XNDC1N: variants seen among roughly 807,000 people sequenced by gnomAD.
The protein encoded by XNDC1N is XRCC1 N-terminal domain containing 1, N-terminal like, also known as protein XNDC1N.
At chr11:71,890,911 C>A in the XNDC1N span, among the ~76,000 whole-genome samples, 2 of 151,998 alleles carry the variant, frequency 1.3e-5, no homozygotes, top group Admixed American at 1.3e-4. Context: ...GGGATGTGAA[C>A]ATCCCTGCGA....
chr11:71,919,071 A>G, the XNDC1N span: 1 of 698,130 alleles, frequency 1.4e-6, no homozygotes, highest in Non-Finnish European at 2.6e-6. Flanking sequence ...ACTGCGCCCA[A>G]GGGAAAAAGG....
At chr11:71,900,620 C>T in the XNDC1N span, among the ~76,000 whole-genome samples, 3 of 152,282 alleles carry the variant, frequency 2.0e-5, no homozygotes, top group Admixed American at 6.5e-5. Flanking sequence ...GGGAATCAGT[C>T]CCTCTAAACT....
At chr11:71,917,825 G>C in the XNDC1N span, 2 of 696,396 alleles carry the variant, frequency 2.9e-6, no homozygotes, top group African/African-American at 3.5e-5. Flanking sequence ...GATGACTGAA[G>C]ACAAAGGAAT....
the XNDC1N span, among the ~76,000 whole-genome samples, chr11:71,883,300 A>G: frequency 1.3e-5 from 2 of 152,240 alleles, no homozygotes; most frequent in Admixed American, 1.3e-4. Context: ...ATGAGCAAGA[A>G]AAACAAAGCT....
At chr11:71,899,248 C>T in the XNDC1N span, among the ~76,000 whole-genome samples, 1 of 152,140 alleles carries the variant, frequency 6.6e-6, no homozygotes, top group Non-Finnish European at 1.5e-5. Context: ...ACCTGTATCA[C>T]CCTGTCTTCT....
At chr11:71,889,415 C>G in the XNDC1N span, among the ~76,000 whole-genome samples, 1 of 152,346 alleles carries the variant, frequency 6.6e-6, no homozygotes. Context: ...CTTCCCCCTT[C>G]TGGGCATCAG....
chr11:71,877,441 C>A, the XNDC1N span, among the ~76,000 whole-genome samples: 1 of 152,210 alleles, frequency 6.6e-6, no homozygotes, highest in African/African-American at 2.4e-5. Context: ...AGTTCGAGAC[C>A]AGCCTGGCCA....
the XNDC1N span, among the ~76,000 whole-genome samples, chr11:71,868,980 ATTC>A: frequency 1.3e-5 from 2 of 151,894 alleles, no homozygotes; most frequent in Admixed American, 6.6e-5. Context: ...ATCTTTTTGA[ATTC>A]TTTTTTCTTT....
the XNDC1N span, among the ~76,000 whole-genome samples, chr11:71,905,424 C>A: frequency 6.6e-5 from 10 of 151,946 alleles, no homozygotes; most frequent in East Asian, 1.2e-3. Context: ...TAACACCCCC[C>A]CTAGAATATT....
chr11:71,877,219 GC>G, the XNDC1N span, among the ~76,000 whole-genome samples: 1 of 152,204 alleles, frequency 6.6e-6, no homozygotes, highest in Non-Finnish European at 1.5e-5. Context: ...CCAAGAAGAA[GC>G]CATGGCAGAA....
the XNDC1N span, among the ~76,000 whole-genome samples, chr11:71,866,303 G>T: frequency 6.6e-6 from 1 of 152,098 alleles, no homozygotes; most frequent in Non-Finnish European, 1.5e-5. Context: ...GGCTGTCTGT[G>T]CCTTTTGATA....
the XNDC1N span, among the ~76,000 whole-genome samples, chr11:71,900,336 C>G: frequency 3.3e-5 from 5 of 152,068 alleles, no homozygotes; most frequent in African/African-American, 9.7e-5. Flanking sequence ...TCTCATCCCA[C>G]CCGACTAGAC....
At chr11:71,887,793 A>G in the XNDC1N span, among the ~76,000 whole-genome samples, 1 of 152,312 alleles carries the variant, frequency 6.6e-6, no homozygotes, top group South Asian at 2.1e-4. Flanking sequence ...CTGACTTTCC[A>G]TCCAACAGTA....
the XNDC1N span, among the ~76,000 whole-genome samples, chr11:71,898,043 G>T: frequency 2.6e-5 from 4 of 152,092 alleles, no homozygotes; most frequent in African/African-American, 9.7e-5. Context: ...AATGAAACGA[G>T]CGTGGTGGCG....
chr11:71,876,332 TAAGAA>T, the XNDC1N span, among the ~76,000 whole-genome samples: 1 of 152,212 alleles, frequency 6.6e-6, no homozygotes, highest in Non-Finnish European at 1.5e-5. Context: ...GGTGTTCTTT[TAAGAA>T]AAGTCATTGG....
chr11:71,907,837 C>T, the XNDC1N span, among the ~76,000 whole-genome samples: 1 of 152,166 alleles, frequency 6.6e-6, no homozygotes, highest in African/African-American at 2.4e-5. Flanking sequence ...ATCACCCCCT[C>T]CGCCTTGGAA....
At chr11:71,905,654 G>A in the XNDC1N span, among the ~76,000 whole-genome samples, 1 of 151,864 alleles carries the variant, frequency 6.6e-6, no homozygotes, top group African/African-American at 2.4e-5. Context: ...CACACATGGT[G>A]TACACCCACT....
the XNDC1N span, among the ~76,000 whole-genome samples, chr11:71,924,571 G>A: frequency 0.032 from 4,940 of 152,054 alleles, 80 homozygotes; most frequent in East Asian, 0.08. Context: ...CCAGCTACTC[G>A]GGAGGCTGAG....
chr11:71,870,760 G>A, the XNDC1N span, among the ~76,000 whole-genome samples: 1 of 152,054 alleles, frequency 6.6e-6, no homozygotes, highest in African/African-American at 2.4e-5. Flanking sequence ...ACATACAAAT[G>A]ACCAATAAAC....
Sources: gnomAD v4.1 joint callset for allele counts (sites outside exome capture counted in the v4.1 genomes callset) on GRCh38, gnomAD v4.1.1 for gene constraint, MANE v1.5 for transcripts, NCBI Gene and HGNC (gene_info 2026-07-23, HGNC 2026-07-21) for gene names.